The following HFM1 variants were observed in gnomAD, a reference collection of about 807,000 sequenced individuals.
HFM1 encodes probable ATP-dependent DNA helicase HFM1.
In HFM1, 169 loss-of-function variants were observed where a neutral mutation model predicts 192.1. That is an observed-to-expected ratio of 0.88 (90% CI 0.78 to 1.00). The LOEUF is 1.00. HFM1 is among the 50% of genes least tolerant of loss of function. The probability of loss-of-function intolerance (pLI) is 0.00; values close to 1 mark genes in which losing one functional copy is unlikely to be tolerated. For missense variants in HFM1, 1,661 were observed against 1,668.0 expected, an observed-to-expected ratio of 1.00 and a Z score of 0.07; for synonymous variants, 525 against 537.8, an observed-to-expected ratio of 0.98 and a Z score of 0.33.
At chr1:91,351,983 T>G (rs2101733683) in intron 16 of HFM1, among the ~76,000 whole-genome samples, 1 of 152,062 alleles carries the variant, frequency 6.6e-6, no homozygotes. Flanking sequence ...CAACATAATA[T>G]TTACAAATGT....
intron 20 of HFM1, among the ~76,000 whole-genome samples, chr1:91,330,332 T>C (rs1447911076): frequency 6.6e-6 from 1 of 152,040 alleles, no homozygotes; most frequent in Non-Finnish European, 1.5e-5. Context: ...TTACAACTGA[T>C]ACCATACAAA....
At chr1:91,266,541 ACTC>A (rs1665783449) in intron 35 of HFM1, among the ~76,000 whole-genome samples, 1 of 152,162 alleles carries the variant, frequency 6.6e-6, no homozygotes, top group Non-Finnish European at 1.5e-5. Flanking sequence ...GTGTTTTTGC[ACTC>A]ACTCTCGTTA....
At chr1:91,285,482 CCCA>C (rs1667874661) in intron 30 of HFM1, among the ~76,000 whole-genome samples, 1 of 152,134 alleles carries the variant, frequency 6.6e-6, no homozygotes, top group African/African-American at 2.4e-5. Context: ...TTTGAAAAGG[CCCA>C]AATTTGGTGT....
Position 91,353,243 on chromosome 1 carries a change from T to A in HFM1, c.1729+13A>T, listed in dbSNP as rs1366086858. 1.9e-6 allele frequency: 3 copies of A among 1,581,960 alleles called. No homozygotes were observed. The highest frequency in any genetic ancestry group is 1.7e-6 in the Non-Finnish European group (2 of 1,153,092). On this transcript the variant is annotated intron_variant, in intron 14 of 38. Transcript: ENST00000370425. Reference sequence around the variant, plus strand: ...ATGTGAAAATGCTATTCAAAAATTATCTCTAAACCTACCTCTCAGTTTTGA... The same window carrying A: ...ATGTGAAAATGCTATTCAAAAATTAACTCTAAACCTACCTCTCAGTTTTGA...
chr1:91,372,410 A>G (rs547667380), intron 13 of HFM1, among the ~76,000 whole-genome samples: 7 of 152,242 alleles, frequency 4.6e-5, no homozygotes, highest in Non-Finnish European at 1.0e-4. Flanking sequence ...ATGCAGCCAT[A>G]AAAAATGATG....
rs1309693568 is a variant in HFM1 at position 91,385,854 on chromosome 1, C to A, written c.495-20G>T. The A allele has an allele frequency of 1.9e-6, 3 of 1,576,442 alleles. No individual in the cohort carries two copies. Among genetic ancestry groups the A allele is most frequent in the African/African-American group, 2.7e-5 (2 of 73,010 alleles). On this transcript the variant is annotated intron_variant, in intron 4 of 38. Coordinates refer to ENST00000370425, the MANE Select transcript of HFM1 (RefSeq NM_001017975.6). ...AATAATCTGCAAACAAAAAAAAGAC[C>A]CACATATTTTCTCACGTGTAACACT...
intron 4 of HFM1, among the ~76,000 whole-genome samples, chr1:91,386,547 T>C (rs1364211221): frequency 7.9e-5 from 12 of 152,236 alleles, no homozygotes; most frequent in Non-Finnish European, 1.2e-4. Flanking sequence ...CTGTGAGAGA[T>C]AATAATGTTC....
chr1:91,322,185 AAAC>A (rs1652217573), intron 23 of HFM1, among the ~76,000 whole-genome samples: 1 of 152,210 alleles, frequency 6.6e-6, no homozygotes, highest in South Asian at 2.1e-4. Flanking sequence ...GATGAGTTGT[AAAC>A]AACAATGAGA....
intron 13 of HFM1, among the ~76,000 whole-genome samples, chr1:91,369,774 A>T (rs1416930519): frequency 6.6e-6 from 1 of 152,134 alleles, no homozygotes; most frequent in Non-Finnish European, 1.5e-5. Flanking sequence ...GACACAAAAA[A>T]CCCTTCCAAA....
chr1:91,375,611 T>C lies in HFM1; in HGVS notation c.1512A>G (p.Gln504=), dbSNP rs375427523. ...GGGTTAAATCAAACTTAAACTCAGT[T>C]TGGTTACTACTGCAGGGAAATCCAA... The part of the protein sequence containing the change: ...VVLGFPCSSN[Q]TEFKFDLTLN... The change falls in exon 12 of 39, where the codon CAA becomes CAG. Residue 504 remains glutamine, a synonymous_variant. Coordinates refer to ENST00000370425, the MANE Select transcript of HFM1 (RefSeq NM_001017975.6). The C allele has an allele frequency of 6.2e-7, 1 of 1,613,406 alleles. No individual in the cohort carries two copies. Among genetic ancestry groups the C allele is most frequent in the African/African-American group, 1.3e-5 (1 of 74,886 alleles).
At chr1:91,324,289 C>T (rs1652560917) in intron 21 of HFM1, among the ~76,000 whole-genome samples, 1 of 152,204 alleles carries the variant, frequency 6.6e-6, no homozygotes, top group Non-Finnish European at 1.5e-5. Flanking sequence ...CTGCATGCAA[C>T]TCACTGTCCT....
At chr1:91,325,942 A>G (rs76042116) in intron 20 of HFM1, among the ~76,000 whole-genome samples, 14,630 of 152,064 alleles carry the variant, frequency 0.096, 743 homozygotes, top group East Asian at 0.16. Context: ...CAGAAATCCT[A>G]GAGTTGGAAA....
intron 25 of HFM1, among the ~76,000 whole-genome samples, 193 bp downstream of exon 25, chr1:91,318,885 C>A (rs1651650456): frequency 6.6e-6 from 1 of 152,282 alleles, no homozygotes; most frequent in East Asian, 1.9e-4. Context: ...ATGTATCATT[C>A]AGTTGATTTC....
rs1653376765 is a variant in HFM1, at chr1:91,329,023, G to A, written c.2336-4257C>T. 5.3e-5 allele frequency: 85 copies of A among 1,611,842 alleles called. 1 individual carries two copies. The South Asian group carries it at 9.1e-4, about 17-fold the overall frequency. On this transcript the variant is annotated intron_variant, in intron 20 of 38. Coordinates refer to ENST00000370425, the MANE Select transcript of HFM1 (RefSeq NM_001017975.6). ...AATTCCACCTGAGCTGGATTCTGCA[G>A]GAGCTAGAACCAGGAACAGTTTGTG... is the stretch of plus-strand genomic sequence containing the variant.
At chr1:91,371,291 C>G (rs1008899927) in intron 13 of HFM1, among the ~76,000 whole-genome samples, 14 of 147,818 alleles carry the variant, frequency 9.5e-5, no homozygotes, top group Admixed American at 3.4e-4. Context: ...CAAGTCAATT[C>G]TATGCCAAAA....
At chr1:91,368,168 T>G (rs374314937) in intron 13 of HFM1, among the ~76,000 whole-genome samples, 35 of 152,134 alleles carry the variant, frequency 2.3e-4, no homozygotes, top group Admixed American at 2.6e-4. Flanking sequence ...GTTGGAAAAC[T>G]CTCTGCAGGA....
chr1:91,404,785 C>T lies in HFM1; in HGVS notation c.-28+13G>A, dbSNP rs749925084. ...CCCACCTTCCCCGCGGGCGTCCGGG[C>T]CCCTCTCCTCACCTCCCTGCGGACA... On this transcript the variant is annotated intron_variant, in intron 1 of 38. Coordinates refer to ENST00000370425, the MANE Select transcript of HFM1 (RefSeq NM_001017975.6). 2.2e-6 allele frequency: 1 copy of T among 446,922 alleles called. No homozygotes were observed. Among genetic ancestry groups the T allele is most frequent in the Non-Finnish European group, 4.5e-6 (1 of 222,956 alleles). The allele number at this position is 446,922 out of a possible 1,614,324, so 27.7% of individuals were successfully genotyped here.
In HFM1 at chr1:91,379,771, TA is replaced by T. The variant is rs78339460; in HGVS notation, c.1006+332del. 3.3e-5 allele frequency among the ~76,000 whole-genome samples: 5 copies of T among 152,218 alleles called. No homozygotes were observed. In the East Asian group the frequency reaches 5.8e-4, roughly 18 times the overall value. On this transcript the variant is annotated intron_variant, in intron 8 of 38. Transcript: ENST00000370425. ...ATCCATATACATATATTACTTTGAT[TA>T]AAAAAAATTTTTTAAATACATACCT...
chr1:91,293,984 G>A (rs1243906212), intron 30 of HFM1, among the ~76,000 whole-genome samples: 1 of 148,076 alleles, frequency 6.8e-6, no homozygotes, highest in Non-Finnish European at 1.5e-5. Flanking sequence ...TCACTCATAG[G>A]TGGGAAATGA....
Sources: allele counts gnomAD v4.1 joint callset (sites outside exome capture counted in the v4.1 genomes callset), GRCh38; gene constraint gnomAD v4.1.1; transcripts MANE v1.5; gene names NCBI Gene and HGNC (gene_info 2026-07-23, HGNC 2026-07-21).